Variants in ARHGEF17 observed in about 807,000 individuals in gnomAD.
The protein encoded by ARHGEF17 is 164 kDa Rho-specific guanine-nucleotide exchange factor.
A neutral mutation model predicts 174.0 loss-of-function variants in ARHGEF17; 80 were observed. The ratio of observed to expected loss-of-function variants is 0.46; its 90% CI spans 0.38 to 0.55. The LOEUF (loss-of-function observed/expected upper bound fraction) is 0.55. ARHGEF17 is among the 20% of genes least tolerant of loss of function. The pLI, the probability that ARHGEF17 is intolerant of heterozygous loss-of-function variation, is 0.00. For missense variants in ARHGEF17, 2,886 were observed against 2,839.7 expected, an observed-to-expected ratio of 1.02 and a Z score of -0.37; for synonymous variants, 1,311 against 1,189.1, an observed-to-expected ratio of 1.10 and a Z score of -2.11.
At chr11:73,339,920 C>T in intron 1 of ARHGEF17, among the ~76,000 whole-genome samples, 1 of 152,128 alleles carries the variant, frequency 6.6e-6, no homozygotes, top group East Asian at 1.9e-4. Context: ...CTTCACCAAG[C>T]ACCCTGTATA....
At chr11:73,342,263 G>A (rs1349329101) in intron 1 of ARHGEF17, among the ~76,000 whole-genome samples, 3 of 152,094 alleles carry the variant, frequency 2.0e-5, no homozygotes, top group Non-Finnish European at 4.4e-5. Flanking sequence ...ATGGTCCCAG[G>A]TATAGGACAC....
At chr11:73,359,769 G>A in intron 9 of ARHGEF17, 65 bp from the exon 10 acceptor site, 1 of 1,344,402 alleles carries the variant, frequency 7.4e-7, no homozygotes, top group East Asian at 2.5e-5. Flanking sequence ...GAGGGAAGGA[G>A]AGTCTGTCCC....
At chr11:73,356,650 T>G in intron 6 of ARHGEF17, 59 bp from the exon 7 acceptor site, 1 of 1,603,274 alleles carries the variant, frequency 6.2e-7, no homozygotes, top group Non-Finnish European at 8.5e-7. Flanking sequence ...CTGGGATTTT[T>G]GGAGGGGATA....
At chr11:73,343,235 C>CG (rs778352901) in intron 1 of ARHGEF17, 3 of 398,658 alleles carry the variant, frequency 7.5e-6, no homozygotes, top group Non-Finnish European at 1.3e-5. Context: ...GGGAGCCTGC[C>CG]GGGGGCAGCA....
At position 73,308,550 on chromosome 11, in the gene ARHGEF17, T is replaced by A. The variant is rs1591710376; in HGVS notation, c.-89T>A. On this transcript the variant is annotated 5_prime_UTR_variant, in exon 1 of 21. Coordinates refer to ENST00000263674, the MANE Select transcript of ARHGEF17 (RefSeq NM_014786.4). ...ACACTCCCGTGCGCTGCTTTCGGCG[T>A]GGGCCGCTGCGCTCCTAGGGAGTGG... 2.5e-6 allele frequency: 3 copies of A among 1,176,970 alleles called. No individual in the cohort carries two copies. The highest frequency in any genetic ancestry group is 3.9e-5 in the South Asian group (2 of 51,688). The allele number at this position is 1,176,970 out of a possible 1,614,324, so 72.9% of individuals were successfully genotyped here.
chr11:73,354,481 C>T (rs1865603713), intron 3 of ARHGEF17, among the ~76,000 whole-genome samples: 2 of 152,028 alleles, frequency 1.3e-5, no homozygotes, highest in African/African-American at 2.4e-5. Flanking sequence ...TTTGGGAGGC[C>T]GAGGCAGGCA....
intron 3 of ARHGEF17, among the ~76,000 whole-genome samples, chr11:73,354,027 A>C (rs1452986647): frequency 6.6e-6 from 1 of 152,234 alleles, no homozygotes; most frequent in African/African-American, 2.4e-5. Flanking sequence ...AATTGTAAAA[A>C]TTCTTGCAAA....
chr11:73,332,565 T>G (rs1287754458), intron 1 of ARHGEF17, among the ~76,000 whole-genome samples: 1 of 152,146 alleles, frequency 6.6e-6, no homozygotes, highest in Non-Finnish European at 1.5e-5. Flanking sequence ...TCGCCAGTTT[T>G]CCCTGCTGTG....
At chr11:73,364,014 C>G (rs1865794778) in intron 16 of ARHGEF17, among the ~76,000 whole-genome samples, 158 bp from the exon 17 acceptor site, 1 of 152,172 alleles carries the variant, frequency 6.6e-6, no homozygotes, top group African/African-American at 2.4e-5. Context: ...CAAGTCACCC[C>G]CTTTTCTTAG....
At position 73,360,315 on chromosome 11, in the gene ARHGEF17, C is replaced by A; in HGVS notation, c.4207-5C>A. 1 of 1,613,334 alleles carries A rather than the reference C, an allele frequency of 6.2e-7. No homozygotes were observed. The highest frequency in any genetic ancestry group is 8.5e-7 in the Non-Finnish European group (1 of 1,179,976). On this transcript the variant is annotated splice_region_variant and splice_polypyrimidine_tract_variant and intron_variant, in intron 10 of 20. Transcript: ENST00000263674. ...GGCCTGAGGCCTGGGCCCTCTTCCC[C>A]ACAGAGCCTGGACGATGCACTGCGG...
intron 2 of ARHGEF17, among the ~76,000 whole-genome samples, chr11:73,349,038 G>A (rs906665032): frequency 6.6e-6 from 1 of 152,210 alleles, no homozygotes; most frequent in East Asian, 1.9e-4. Flanking sequence ...CCAGGTGGCT[G>A]CAGGAAGGAA....
intron 9 of ARHGEF17, among the ~76,000 whole-genome samples, chr11:73,358,533 C>T (rs899605727): frequency 3.7e-4 from 54 of 147,608 alleles, no homozygotes; most frequent in African/African-American, 1.3e-3. Context: ...TCTCGGCTCA[C>T]TGTAACCTCT....
chr11:73,310,961 A>G lies in ARHGEF17; in HGVS notation c.2323A>G (p.Met775Val). The G allele has an allele frequency of 1.2e-6, 2 of 1,614,134 alleles. No individual in the cohort carries two copies. The highest frequency in any genetic ancestry group is 2.2e-5 in the South Asian group (2 of 91,082). ...GACAGGGCTCCCTGCCACCTCAGCCATGGATGAGGGCTTGACCAGTGGTCA... is the reference window on the plus strand; with the variant it reads ...GACAGGGCTCCCTGCCACCTCAGCCGTGGATGAGGGCTTGACCAGTGGTCA... The part of the protein sequence containing the change: ...PKTGLPATSA[M>V]DEGLTSGHSD... Residue 775 changes from methionine (M) to valine (V), a missense_variant, in exon 1 of 21, where the codon ATG (methionine) becomes GTG (valine). By Grantham distance (21) the Met-to-Val change is conservative (BLOSUM62 1). Around this residue, in one of 4 missense-constraint regions of ARHGEF17, gnomAD observed 1,728 missense variants for 1,461.2 expected, o/e 1.18. Coordinates refer to ENST00000263674, the MANE Select transcript of ARHGEF17 (RefSeq NM_014786.4).
At chr11:73,353,589 A>T (rs1591754528) in intron 3 of ARHGEF17, among the ~76,000 whole-genome samples, 1 of 152,192 alleles carries the variant, frequency 6.6e-6, no homozygotes, top group African/African-American at 2.4e-5. Flanking sequence ...TGACTGAGAC[A>T]TGGAGAGATT....
intron 1 of ARHGEF17, among the ~76,000 whole-genome samples, chr11:73,332,350 CGTGTGTGTGTGTGTGTGTGTGTGT>C (rs58725771): frequency 0.032 from 3,919 of 120,750 alleles, 89 homozygotes; most frequent in Non-Finnish European, 0.049. Flanking sequence ...GCTTTTTCTC[CGTGTGTGTGTGTGTGTGTGTGTGT>C]GTGTGTGTGT....
At chr11:73,357,885 C>T (rs141792270) in intron 9 of ARHGEF17, among the ~76,000 whole-genome samples, 82 of 152,316 alleles carry the variant, frequency 5.4e-4, no homozygotes, top group African/African-American at 1.7e-3. Context: ...TCATAACTCC[C>T]GTGATCAGAC....
chr11:73,351,645 G>C (rs998518409), intron 2 of ARHGEF17, among the ~76,000 whole-genome samples: 4 of 151,972 alleles, frequency 2.6e-5, no homozygotes, highest in Admixed American at 2.0e-4. Flanking sequence ...GCAGTGGCGC[G>C]ATCTCGGCTC....
At chr11:73,347,389 C>G (rs1865481062) in intron 2 of ARHGEF17, among the ~76,000 whole-genome samples, 1 of 152,166 alleles carries the variant, frequency 6.6e-6, no homozygotes, top group Non-Finnish European at 1.5e-5. Flanking sequence ...GAGAGCCCAG[C>G]CCCTGCCACA....
At chr11:73,361,266 T>C (rs1865733511) in intron 12 of ARHGEF17, 105 bp downstream of exon 12, 2 of 1,040,808 alleles carry the variant, frequency 1.9e-6, no homozygotes, top group Admixed American at 4.0e-5. Context: ...TTGCTATTGC[T>C]CCTTATGTCT....
Sources: allele counts gnomAD v4.1 joint callset (sites outside exome capture counted in the v4.1 genomes callset), GRCh38; gene constraint gnomAD v4.1.1; regional missense constraint gnomAD v4.1.1; transcripts MANE v1.5; gene names NCBI Gene and HGNC (gene_info 2026-07-23, HGNC 2026-07-21).